The following AKNA variants were observed in gnomAD, a reference collection of about 807,000 sequenced individuals.
The protein encoded by AKNA is microtubule organization protein AKNA.
A neutral mutation model predicts 138.8 loss-of-function variants in AKNA; 67 were observed. The ratio of observed to expected loss-of-function variants is 0.48; its 90% confidence interval spans 0.40 to 0.59. The LOEUF (loss-of-function observed/expected upper bound fraction) is 0.59, where lower values mean the gene tolerates loss of function less well. Among genes scored for constraint, AKNA ranks in the 20% least tolerant of loss-of-function variants. The pLI, the probability that AKNA is intolerant of heterozygous loss-of-function variation, is 0.00. For missense variants in AKNA, 1,813 were observed against 1,880.4 expected (o/e 0.96, Z 0.66); for synonymous variants, 737 against 754.4 (o/e 0.98, Z 0.38).
intron 1 of AKNA, among the ~76,000 whole-genome samples, chr9:114,382,522 G>A (rs1833761150): frequency 6.6e-6 from 1 of 150,618 alleles, no homozygotes; most frequent in African/African-American, 2.5e-5. Context: ...GGTCGAAGCT[G>A]CAGTGAGCCA....
intron 18 of AKNA, chr9:114,345,590 T>C (rs1588949337): frequency 2.8e-6 from 1 of 353,792 alleles, no homozygotes; most frequent in Non-Finnish European, 5.2e-6. Flanking sequence ...TTCTTTAGGA[T>C]TGACCAGCTG....
At chr9:114,371,021 G>C (rs144474917) in intron 4 of AKNA, among the ~76,000 whole-genome samples, 103 of 152,312 alleles carry the variant, frequency 6.8e-4, no homozygotes, top group Middle Eastern at 3.4e-3. Context: ...CAGGGGCTGG[G>C]GGGGAGGTGG....
chr9:114,375,976 GC>G (rs1833141366), intron 3 of AKNA: 1 of 448,304 alleles, frequency 2.2e-6, no homozygotes, highest in Non-Finnish European at 4.5e-6. Flanking sequence ...CTACCCCAGG[GC>G]TTCCTGCCCA....
upstream of AKNA, among the ~76,000 whole-genome samples, chr9:114,388,738 C>T (rs1834215106): frequency 6.6e-6 from 1 of 152,192 alleles, no homozygotes. Context: ...TACTGTGTGG[C>T]GGGTGCTTTT....
upstream of AKNA, among the ~76,000 whole-genome samples, chr9:114,397,521 C>G (rs2132169302): frequency 6.6e-6 from 1 of 152,346 alleles, no homozygotes; most frequent in South Asian, 2.1e-4. Context: ...ATTTTCCCTT[C>G]CGACTATCTC....
intron 1 of AKNA, among the ~76,000 whole-genome samples, chr9:114,386,941 A>G (rs1363831925): frequency 6.6e-6 from 1 of 151,924 alleles, no homozygotes; most frequent in Non-Finnish European, 1.5e-5. Context: ...AGAGCTGTCC[A>G]GGGTGCCACC....
At chr9:114,364,402 T>C (rs1832189122) in intron 7 of AKNA, among the ~76,000 whole-genome samples, 158 bp downstream of exon 7, 1 of 152,184 alleles carries the variant, frequency 6.6e-6, no homozygotes, top group Non-Finnish European at 1.5e-5. Context: ...ATAATGATCG[T>C]TATCATGGGA....
chr9:114,362,877 C>T (rs1394669859), intron 7 of AKNA, among the ~76,000 whole-genome samples: 1 of 152,194 alleles, frequency 6.6e-6, no homozygotes, highest in African/African-American at 2.4e-5. Flanking sequence ...ACTATTATCT[C>T]CATAAGGACC....
chr9:114,337,771 ATAAT>A (rs1277886376), intron 21 of AKNA, among the ~76,000 whole-genome samples: 2 of 145,034 alleles, frequency 1.4e-5, no homozygotes, highest in South Asian at 2.3e-4. Context: ...GAGAAAGGCA[ATAAT>A]TAATAATTAA....
intron 1 of AKNA, among the ~76,000 whole-genome samples, chr9:114,394,056 C>T (rs1381923748): frequency 6.6e-6 from 1 of 151,946 alleles, no homozygotes; most frequent in Non-Finnish European, 1.5e-5. Flanking sequence ...ACCTGTAATC[C>T]CAGCTACTCG....
At chr9:114,364,498 A>C in intron 7 of AKNA, 62 bp downstream of exon 7, 3 of 1,556,654 alleles carry the variant, frequency 1.9e-6, no homozygotes, top group Non-Finnish European at 2.7e-6. Flanking sequence ...CTTCAGAGAC[A>C]GAGTCATGGG....
intron 16 of AKNA, 117 bp from the exon 17 acceptor site, chr9:114,346,901 A>G (rs779995812): frequency 3.6e-6 from 3 of 837,440 alleles, no homozygotes; most frequent in African/African-American, 1.8e-5. Flanking sequence ...GGAAGAGAGT[A>G]TAGAAGTCAA....
chr9:114,345,060 C>CATATATATATATATATAT (rs143632430), intron 18 of AKNA: 1 of 143,576 alleles, frequency 7.0e-6, no homozygotes, highest in African/African-American at 2.5e-5. Flanking sequence ...GAACCATATC[C>CATATATATATATATATAT]ATATATATAT....
Position 114,345,915 on chromosome 9 carries a change from C to A in AKNA, c.3609G>T (p.Gly1203=). The A allele has an allele frequency of 1.2e-6, 2 of 1,614,046 alleles. No individual in the cohort carries two copies. The highest frequency in any genetic ancestry group is 1.7e-6 in the Non-Finnish European group (2 of 1,179,942). The change falls in exon 18 of 22, where the codon GGG becomes GGT. Residue 1203 remains glycine (G), a synonymous_variant. Transcript: ENST00000374088. ...TGTCTGGCCATCCAGCACTGCCCAC[C>A]CCTCTCTTTCCATCCCGAGCTGCCT... ...SPQAARDGKR[G]VGSAGWPDRV...
At chr9:114,367,108 G>C (rs1430700679) in intron 6 of AKNA, among the ~76,000 whole-genome samples, 1 of 152,108 alleles carries the variant, frequency 6.6e-6, no homozygotes, top group East Asian at 1.9e-4. Context: ...ACTGTTTCAT[G>C]AAGATACGAA....
Position 114,356,489 on chromosome 9 carries a change from CT to C in AKNA, c.2847-354del, listed in dbSNP as rs772462363. On this transcript the variant is annotated intron_variant, in intron 13 of 21. Transcript: ENST00000374088. ...GGCTCCATCCCTCCACTCTTCACCCCTGTCCCCTCCGCCTTCTCCCTTCCCT... is the reference window on the plus strand; with the variant it reads ...GGCTCCATCCCTCCACTCTTCACCCCGTCCCCTCCGCCTTCTCCCTTCCCT... Among the ~76,000 whole-genome samples, 5 of 152,324 alleles carry C rather than the reference CT, an allele frequency of 3.3e-5. No individual in the cohort carries two copies. In the South Asian group the frequency reaches 6.2e-4, roughly 19 times the overall value.
chr9:114,336,752 T>A lies in AKNA; in HGVS notation c.*302A>T, dbSNP rs1830014494. 1 of 379,834 alleles carries A rather than the reference T, an allele frequency of 2.6e-6. No homozygotes were observed. 23.5% of individuals were successfully genotyped at this position (379,834 alleles called of 1,614,324 possible). On this transcript the variant is annotated 3_prime_UTR_variant, in exon 22 of 22. Coordinates refer to ENST00000374088, the MANE Select transcript of AKNA (RefSeq NM_001317950.2). ...ATAAAATACCTATTATTAGCTGGAG[T>A]TGCACACATGCAGGACCAGGAGAGA...
chr9:114,337,013 G>GGGGGGGCC lies in AKNA; in HGVS notation c.*40_*41insGGCCCCCC. Reference sequence around the variant, plus strand: ...CCACTCCTGGCCTGGCAGGCCACCTGCCCACCCACCCACCCATCTGCCTCT... The same window carrying GGGGGGGCC: ...CCACTCCTGGCCTGGCAGGCCACCTGGGGGGGCCCCCACCCACCCACCCATCTGCCTCT... On this transcript the variant is annotated 3_prime_UTR_variant, in exon 22 of 22. Coordinates refer to ENST00000374088, the MANE Select transcript of AKNA (RefSeq NM_001317950.2). 5 of 1,185,366 alleles carry GGGGGGGCC rather than the reference G, an allele frequency of 4.2e-6. No individual in the cohort carries two copies. Among genetic ancestry groups the GGGGGGGCC allele is most frequent in the Non-Finnish European group, 5.4e-6 (5 of 921,702 alleles). 73.4% of individuals were successfully genotyped at this position (1,185,366 alleles called of 1,614,324 possible).
At chr9:114,348,141 C>G (rs1418210315) in intron 15 of AKNA, among the ~76,000 whole-genome samples, 1 of 152,192 alleles carries the variant, frequency 6.6e-6, no homozygotes, top group East Asian at 1.9e-4. Context: ...GAAGTTTTCT[C>G]TTCCTAACAC....
Sources: gnomAD v4.1 joint callset for allele counts (sites outside exome capture counted in the v4.1 genomes callset) on GRCh38, gnomAD v4.1.1 for gene constraint, MANE v1.5 for transcripts, NCBI Gene and HGNC (gene_info 2026-07-23, HGNC 2026-07-21) for gene names.